Variants in KLRG1 observed in about 807,000 individuals in gnomAD.
KLRG1 encodes killer cell lectin like receptor G1.
In KLRG1, 16 loss-of-function variants were observed where a neutral mutation model predicts 21.8. The observed-to-expected ratio is 0.73, with a 90% CI of 0.50 to 1.11. KLRG1 has a LOEUF of 1.11. Among genes scored for constraint, KLRG1 ranks in the 50% most tolerant of loss-of-function variants. KLRG1 has a pLI of 0.00. For missense variants in KLRG1, 173 were observed against 218.3 expected (o/e 0.79, Z 1.31); for synonymous variants, 69 against 75.9 (o/e 0.91, Z 0.47).
the KLRG1 span, among the ~76,000 whole-genome samples, chr12:9,112,963 G>A: frequency 6.6e-6 from 1 of 152,114 alleles, no homozygotes; most frequent in Non-Finnish European, 1.5e-5. Context: ...CTTTGCTCAG[G>A]GTAATTTCTA....
the KLRG1 span, among the ~76,000 whole-genome samples, chr12:9,177,662 A>G: frequency 1.3e-5 from 2 of 152,338 alleles, no homozygotes; most frequent in East Asian, 1.9e-4. Context: ...TATTGGGTGA[A>G]CTAATGATTT....
the KLRG1 span, chr12:9,080,231 C>T: frequency 8.2e-7 from 1 of 1,226,542 alleles, no homozygotes; most frequent in Non-Finnish European, 1.2e-6. Flanking sequence ...TTATATCTTT[C>T]TAAACAGCTC....
At chr12:9,028,664 G>A in the KLRG1 span, 4 of 408,110 alleles carry the variant, frequency 9.8e-6, no homozygotes, top group East Asian at 1.2e-4. Flanking sequence ...GGATGGTTTC[G>A]ATCTCTTGAC....
At chr12:9,035,450 G>T in the KLRG1 span, among the ~76,000 whole-genome samples, 2 of 151,912 alleles carry the variant, frequency 1.3e-5, no homozygotes, top group African/African-American at 4.8e-5. Context: ...CCTGTCAGGG[G>T]GTAGGGAGCT....
the KLRG1 span, chr12:9,163,921 G>A: frequency 1.6e-6 from 2 of 1,278,764 alleles, no homozygotes; most frequent in Admixed American, 2.5e-5. Context: ...CAAGGTTAAT[G>A]TATACTAAGT....
At chr12:9,068,300 C>T in the KLRG1 span, 1 of 1,479,408 alleles carries the variant, frequency 6.8e-7, no homozygotes. Flanking sequence ...CTGTGGGATA[C>T]AGGCCAAGGA....
At chr12:9,190,617 G>A in the KLRG1 span, among the ~76,000 whole-genome samples, 6 of 152,008 alleles carry the variant, frequency 3.9e-5, no homozygotes, top group South Asian at 2.1e-4. Context: ...CCTGGGTAAC[G>A]AAATAATCTG....
chr12:9,170,450 C>G, the KLRG1 span, among the ~76,000 whole-genome samples: 1 of 152,144 alleles, frequency 6.6e-6, no homozygotes, highest in African/African-American at 2.4e-5. The surrounding 1 kb of genome is among the most constrained non-coding windows in gnomAD (Gnocchi z 4.6). Flanking sequence ...TTGTATATAT[C>G]CCTAGGAAGG....
At chr12:9,028,121 A>G in the KLRG1 span, 2 of 841,864 alleles carry the variant, frequency 2.4e-6, no homozygotes, top group African/African-American at 3.4e-5. Flanking sequence ...GTTCAAAATT[A>G]TCTGTTCTTC....
chr12:9,111,557 A>G, the KLRG1 span: 1 of 456,504 alleles, frequency 2.2e-6, no homozygotes, highest in Non-Finnish European at 4.4e-6. Context: ...AGTGAAGTGG[A>G]TGTGGGTATG....
At chr12:9,118,451 A>G in the KLRG1 span, among the ~76,000 whole-genome samples, 1 of 152,180 alleles carries the variant, frequency 6.6e-6, no homozygotes, top group African/African-American at 2.4e-5. Flanking sequence ...AGTGATAGGT[A>G]CTGCTGTAGC....
At chr12:9,101,103 T>C in the KLRG1 span, 1 of 1,540,584 alleles carries the variant, frequency 6.5e-7, no homozygotes, top group Non-Finnish European at 8.8e-7. Flanking sequence ...GCTGAATGGG[T>C]CAGAATGGGG....
At chr12:9,018,347 G>A in the KLRG1 span, among the ~76,000 whole-genome samples, 37 of 152,066 alleles carry the variant, frequency 2.4e-4, no homozygotes, top group African/African-American at 8.2e-4. Context: ...AACAAAACTA[G>A]AGGAATCATA....
At chr12:9,139,199 G>A in the KLRG1 span, among the ~76,000 whole-genome samples, 21 of 152,088 alleles carry the variant, frequency 1.4e-4, no homozygotes, top group Admixed American at 3.3e-4. Flanking sequence ...CTTTTCAAGA[G>A]TCTGTTGTTT....
At chr12:9,021,900 GT>G in the KLRG1 span, among the ~76,000 whole-genome samples, 17 of 152,114 alleles carry the variant, frequency 1.1e-4, no homozygotes, top group African/African-American at 4.1e-4. Context: ...GCCTGAGGCT[GT>G]TTTACAGATA....
the KLRG1 span, among the ~76,000 whole-genome samples, chr12:9,100,740 A>T: frequency 6.6e-6 from 1 of 152,198 alleles, no homozygotes. Flanking sequence ...AGTATTCCTG[A>T]TATTCCCAGC....
At chr12:9,202,811 TCAG>T in the KLRG1 span, 1 of 895,168 alleles carries the variant, frequency 1.1e-6, no homozygotes, top group Non-Finnish European at 1.7e-6. Flanking sequence ...GACTATTTCT[TCAG>T]ACATAAGAGT....
At chr12:8,965,242 C>A (rs1444015995) in intron 1 of KLRG1, among the ~76,000 whole-genome samples, 3 of 152,174 alleles carry the variant, frequency 2.0e-5, no homozygotes, top group Admixed American at 6.5e-5. Flanking sequence ...ACTGAATGGG[C>A]AAAAACTGGA....
At chr12:9,196,220 G>C in the KLRG1 span, 5 of 637,064 alleles carry the variant, frequency 7.8e-6, no homozygotes, top group South Asian at 1.2e-4. Flanking sequence ...CATGGTTTTT[G>C]GTCATATTAA....
Sources: allele counts gnomAD v4.1 joint callset (sites outside exome capture counted in the v4.1 genomes callset), GRCh38; gene constraint gnomAD v4.1.1; non-coding constraint Gnocchi (gnomAD v3.1); transcripts MANE v1.5; gene names NCBI Gene and HGNC (gene_info 2026-07-23, HGNC 2026-07-21).